Variants in PCDH15 observed in about 807,000 individuals in gnomAD.
PCDH15 encodes the protein protocadherin-15.
Under a neutral mutation model 178.5 loss-of-function variants are expected in PCDH15, and 129 were observed. The ratio of observed to expected loss-of-function variants is 0.72; its 90% CI spans 0.63 to 0.84. The LOEUF (loss-of-function observed/expected upper bound fraction) is 0.84, where lower values mean the gene tolerates loss of function less well. Ranked by LOEUF, PCDH15 falls within the 40% of genes least tolerant of loss-of-function variation. The pLI is 0.00. For synonymous variants in PCDH15, 800 were observed against 732.0 expected, an observed-to-expected ratio of 1.09 and a Z score of -1.50; for missense variants, 2,230 against 2,099.9, an observed-to-expected ratio of 1.06 and a Z score of -1.21.
Position 54,252,821 on chromosome 10 carries a change from C to T in PCDH15, c.877-15890G>A, listed in dbSNP as rs546010960. 2.0e-5 allele frequency among the ~76,000 whole-genome samples: 3 copies of T among 151,312 alleles called. No individual in the cohort carries two copies. The South Asian group carries it at 6.3e-4, about 32-fold the overall frequency. On this transcript the variant is annotated intron_variant, in intron 8 of 37. Transcript: ENST00000644397. ...ATTAGACGGCCTTGCAGTGACTGTC[C>T]CAGGGAACATTCAATAAATATTAGT...
chr10:54,365,645 C>T (rs1020744316), intron 5 of PCDH15, among the ~76,000 whole-genome samples: 1 of 152,008 alleles, frequency 6.6e-6, no homozygotes, highest in Non-Finnish European at 1.5e-5. Flanking sequence ...CCATCACTGT[C>T]GAGAAAGATT....
At chr10:54,717,761 G>A (rs1351217347) in intron 1 of PCDH15, among the ~76,000 whole-genome samples, 1 of 142,904 alleles carries the variant, frequency 7.0e-6, no homozygotes, top group Non-Finnish European at 1.5e-5. Context: ...CCATTACTGG[G>A]TATATACCCA....
At chr10:54,570,817 A>AATTTTTTTTTTTT (rs571170500) in intron 2 of PCDH15, among the ~76,000 whole-genome samples, 1 of 9,970 alleles carries the variant, frequency 1.0e-4, no homozygotes, top group Admixed American at 3.8e-4. Flanking sequence ...ACGCCTGGCT[A>AATTTTTTTTTTTT]TTTTTTTTTT....
At chr10:55,055,872 G>T (rs1841286260) in intron 2 of PCDH15, among the ~76,000 whole-genome samples, 1 of 152,020 alleles carries the variant, frequency 6.6e-6, no homozygotes, top group African/African-American at 2.4e-5. Context: ...ATAAAATATA[G>T]ACTGGCAAAT....
intron 3 of PCDH15, among the ~76,000 whole-genome samples, chr10:54,427,637 G>T (rs1489305810): frequency 6.6e-6 from 1 of 151,416 alleles, no homozygotes. Context: ...TACAGTGTAG[G>T]GTCATTTAAA....
chr10:54,559,342 T>C lies in PCDH15; in HGVS notation c.92-31465A>G, dbSNP rs1445013540. 2.6e-5 allele frequency among the ~76,000 whole-genome samples: 4 copies of C among 152,046 alleles called. No individual in the cohort carries two copies. In the South Asian group the frequency reaches 6.2e-4, roughly 24 times the overall value. On this transcript the variant is annotated intron_variant, in intron 2 of 37. Coordinates refer to ENST00000644397, the MANE Select transcript of PCDH15 (RefSeq NM_001384140.1). ...ACTCTTTTAACAGGAACTACTAATC[T>C]TGTTATTGATATTAATATAGCTTGG...
chr10:54,698,419 T>C (rs759903898), intron 1 of PCDH15, among the ~76,000 whole-genome samples: 10 of 152,150 alleles, frequency 6.6e-5, no homozygotes, highest in Non-Finnish European at 1.5e-4. Context: ...AGTTTAGTGC[T>C]GTATAGATTC....
At chr10:55,609,078 TTTC>T (rs1416136858) in intron 2 of PCDH15, among the ~76,000 whole-genome samples, 1 of 151,824 alleles carries the variant, frequency 6.6e-6, no homozygotes, top group African/African-American at 2.4e-5. Context: ...TTTGAGTACT[TTTC>T]TTTTTTTTTC....
intron 2 of PCDH15, among the ~76,000 whole-genome samples, chr10:55,157,687 T>G (rs1336405396): frequency 6.6e-6 from 1 of 151,636 alleles, no homozygotes; most frequent in Non-Finnish European, 1.5e-5. Context: ...CCATCATTCC[T>G]AGCAAACTAT....
chr10:53,839,260 TA>T (rs2077499697), intron 29 of PCDH15, among the ~76,000 whole-genome samples: 1 of 151,432 alleles, frequency 6.6e-6, no homozygotes, highest in African/African-American at 2.4e-5. Flanking sequence ...TTATGGCTTT[TA>T]AAAAATTTTA....
intron 2 of PCDH15, among the ~76,000 whole-genome samples, chr10:55,571,157 A>G (rs529755403): frequency 2.6e-5 from 4 of 151,974 alleles, no homozygotes; most frequent in African/African-American, 9.6e-5. Context: ...TTGGTTTTTA[A>G]AGGGCCTGAC....
intron 1 of PCDH15, among the ~76,000 whole-genome samples, chr10:55,311,083 T>C (rs1309175253): frequency 6.6e-6 from 1 of 152,166 alleles, no homozygotes; most frequent in Admixed American, 6.5e-5. Flanking sequence ...GCAAAAGTAT[T>C]ATTTTATGGT....
At chr10:54,716,526 T>C (rs2095481687) in intron 1 of PCDH15, among the ~76,000 whole-genome samples, 1 of 152,084 alleles carries the variant, frequency 6.6e-6, no homozygotes, top group Non-Finnish European at 1.5e-5. Flanking sequence ...GAAGCAATTG[T>C]GAATGGGAGT....
At chr10:53,814,496 C>A (rs941637986) in intron 35 of PCDH15, among the ~76,000 whole-genome samples, 1 of 152,046 alleles carries the variant, frequency 6.6e-6, no homozygotes, top group African/African-American at 2.4e-5. Context: ...AGAAGGGATG[C>A]GGATAGGAAC....
intron 2 of PCDH15, chr10:54,528,318 A>G: frequency 1.4e-6 from 2 of 1,392,472 alleles, no homozygotes; most frequent in Non-Finnish European, 1.0e-6. Flanking sequence ...AATGTTCTAA[A>G]GAGAATAAAA....
intron 2 of PCDH15, among the ~76,000 whole-genome samples, chr10:55,141,932 C>T (rs1838363497): frequency 6.6e-6 from 1 of 151,766 alleles, no homozygotes; most frequent in South Asian, 2.1e-4. Context: ...TTAATAGCAT[C>T]ACACAGGGAA....
At chr10:54,893,052 T>C (rs1017295100) in intron 3 of PCDH15, among the ~76,000 whole-genome samples, 1 of 152,072 alleles carries the variant, frequency 6.6e-6, no homozygotes, top group Non-Finnish European at 1.5e-5. Flanking sequence ...CATCCAAAGA[T>C]ATTGGAATTA....
chr10:55,225,611 G>GTGTGTGTGTATGTGTGTGTGTGTT (rs1841008954), intron 1 of PCDH15, among the ~76,000 whole-genome samples: 2 of 151,064 alleles, frequency 1.3e-5, no homozygotes, highest in Admixed American at 6.6e-5. Flanking sequence ...TGTGGGATGT[G>GTGTGTGTGTATGTGTGTGTGTGTT]TGTGTGTGTA....
intron 25 of PCDH15, among the ~76,000 whole-genome samples, chr10:53,923,891 C>T (rs897485092): frequency 1.3e-5 from 2 of 152,214 alleles, no homozygotes; most frequent in African/African-American, 4.8e-5. Context: ...GAGTTTTTCT[C>T]AAACTCAGTC....
Sources: gnomAD v4.1 joint callset for allele counts (sites outside exome capture counted in the v4.1 genomes callset) on GRCh38, gnomAD v4.1.1 for gene constraint, MANE v1.5 for transcripts, NCBI Gene and HGNC (gene_info 2026-07-23, HGNC 2026-07-21) for gene names.